Variants in CUBN observed in about 807,000 individuals in gnomAD.
CUBN encodes 460 kDa receptor.
A neutral mutation model predicts 405.3 loss-of-function variants in CUBN; 282 were observed. The ratio of observed to expected loss-of-function variants is 0.70; its 90% confidence interval spans 0.63 to 0.77. CUBN has a LOEUF of 0.77. Among genes scored for constraint, CUBN ranks in the 30% least tolerant of loss-of-function variants. The pLI is 0.00. For missense variants in CUBN, 4,514 were observed against 4,475.2 expected (o/e 1.01, Z -0.25); for synonymous variants, 1,684 against 1,617.0 (o/e 1.04, Z -0.99).
At chr10:16,877,688 T>G (rs928057285) in intron 56 of CUBN, among the ~76,000 whole-genome samples, 1 of 152,236 alleles carries the variant, frequency 6.6e-6, no homozygotes, top group African/African-American at 2.4e-5. Flanking sequence ...ACACAAACAC[T>G]ATTAGTGTTT....
chr10:16,836,737 C>T (rs1374442967), intron 62 of CUBN, among the ~76,000 whole-genome samples: 1 of 152,194 alleles, frequency 6.6e-6, no homozygotes, highest in East Asian at 1.9e-4. Flanking sequence ...GGGGCTTTTG[C>T]CATTGTCCTG....
At chr10:17,031,132 T>C (rs1175983345) in intron 27 of CUBN, among the ~76,000 whole-genome samples, 1 of 152,208 alleles carries the variant, frequency 6.6e-6, no homozygotes, top group Non-Finnish European at 1.5e-5. Context: ...TTTTATCATT[T>C]GTCATTTATC....
rs371313784 is a variant in CUBN, at chr10:17,115,569, G to T, written c.622C>A (p.Pro208Thr). Residue 208 changes from proline to threonine, a missense_variant, in exon 7 of 67, where the codon CCC (proline) becomes ACC (threonine). Coordinates refer to ENST00000377833, the MANE Select transcript of CUBN (RefSeq NM_001081.4). ...SCHCPPETYG[P>T]QCASKYDDCE... ...TCGTCATATTTGGATGCACACTGGG[G>T]TCCGTACGTCTCAGGTGGGCAGTGA... The T allele has an allele frequency of 2.4e-5, 38 of 1,614,090 alleles. No homozygotes were observed. The highest frequency in any genetic ancestry group is 3.1e-5 in the Non-Finnish European group (37 of 1,180,036).
chr10:17,046,088 T>C lies in CUBN; in HGVS notation c.3336A>G (p.Gly1112=), dbSNP rs750518583. 3 of 1,613,078 alleles carry C rather than the reference T, an allele frequency of 1.9e-6. No individual in the cohort carries two copies. The highest frequency in any genetic ancestry group is 2.5e-6 in the Non-Finnish European group (3 of 1,179,280). The change falls in exon 24 of 67, where the codon GGA becomes GGG. Residue 1112 remains glycine (G), a synonymous_variant. Coordinates refer to ENST00000377833, the MANE Select transcript of CUBN (RefSeq NM_001081.4). ...YYTDFLEIRD[G]GYEKSPLLGI... Reference sequence around the variant, plus strand: ...CCAGCAATGGTGATTTTTCATAGCCTCCATCTCTGGCAGAATACAGAAATT... The same window carrying C: ...CCAGCAATGGTGATTTTTCATAGCCCCCATCTCTGGCAGAATACAGAAATT...
chr10:17,000,928 A>T (rs1210007903), intron 28 of CUBN, among the ~76,000 whole-genome samples: 18 of 152,222 alleles, frequency 1.2e-4, no homozygotes, highest in Admixed American at 1.2e-3. Context: ...TGACTTCAAG[A>T]ATGAAGCCAC....
intron 12 of CUBN, 35 bp from the exon 13 acceptor site, chr10:17,103,272 G>A: frequency 7.5e-6 from 10 of 1,336,360 alleles, no homozygotes; most frequent in Non-Finnish European, 9.7e-6. Context: ...CTTTTCAGAG[G>A]TTCCTAAAAG....
intron 55 of CUBN, among the ~76,000 whole-genome samples, chr10:16,889,932 T>C (rs1350217390): frequency 1.0e-4 from 2 of 19,828 alleles, no homozygotes; most frequent in African/African-American, 1.3e-3. Flanking sequence ...TGAGACGCCG[T>C]GTCAAAAAAA....
intron 3 of CUBN, among the ~76,000 whole-genome samples, chr10:17,127,573 T>C (rs1406850009): frequency 6.6e-6 from 1 of 151,476 alleles, no homozygotes; most frequent in African/African-American, 2.4e-5. Flanking sequence ...ATATTAATCA[T>C]CCATTCACTT....
intron 54 of CUBN, among the ~76,000 whole-genome samples, chr10:16,897,945 C>A (rs1428603540): frequency 6.6e-6 from 1 of 152,064 alleles, no homozygotes; most frequent in Non-Finnish European, 1.5e-5. Flanking sequence ...ACAACTGGAG[C>A]ACTTGAAAGT....
At chr10:17,102,516 A>G (rs1322045846) in intron 13 of CUBN, among the ~76,000 whole-genome samples, 2 of 147,384 alleles carry the variant, frequency 1.4e-5, no homozygotes, top group Non-Finnish European at 3.0e-5. Flanking sequence ...TGAATTCCTG[A>G]CCTCAGGCAA....
chr10:17,041,314 T>C (rs1835013974), intron 26 of CUBN, 94 bp from the exon 27 acceptor site: 6 of 983,278 alleles, frequency 6.1e-6, no homozygotes, highest in South Asian at 1.3e-5. Flanking sequence ...ATAAAAATCA[T>C]CTGTGTATGT....
At chr10:17,088,109 G>C (rs1836165193) in intron 15 of CUBN, 55 bp downstream of exon 15, 2 of 1,424,510 alleles carry the variant, frequency 1.4e-6, no homozygotes, top group Admixed American at 3.4e-5. Context: ...CTAGACCATA[G>C]TGCCCTGAGT....
In CUBN at chr10:16,901,420, G is replaced by A. The variant is rs1314988166; in HGVS notation, c.8102C>T (p.Thr2701Ile). 1 of 1,614,116 alleles carries A rather than the reference G, an allele frequency of 6.2e-7. No homozygotes were observed. Among genetic ancestry groups the A allele is most frequent in the Admixed American group, 1.7e-5 (1 of 60,028 alleles). Residue 2701 changes from threonine to isoleucine, a missense_variant, in exon 52 of 67, where the codon ACA (threonine) becomes ATA (isoleucine). Thr to Ile is a moderately conservative substitution (Grantham distance 89). Transcript: ENST00000377833. The stretch of plus-strand genomic sequence containing the variant: ...ATAAGCATTTGGATAGTTGGGGCTT[G>A]TGATCACTCCACTGTCACCTATCTG... ...GIQIGDSGVI[T>I]SPNYPNAYDS... is the part of the protein sequence containing the mutation.
chr10:16,874,621 T>G, intron 57 of CUBN, 118 bp from the exon 58 acceptor site: 1 of 1,253,684 alleles, frequency 8.0e-7, no homozygotes, highest in Non-Finnish European at 1.1e-6. Context: ...ATAATTATTT[T>G]TCTTAAAGTG....
Position 16,901,361 on chromosome 10 carries a change from C to T in CUBN, c.8161G>A (p.Ala2721Thr), listed in dbSNP as rs200221369. The change falls in exon 52 of 67, where the codon GCC (alanine) becomes ACC (threonine). Residue 2721 changes from alanine to threonine, a missense_variant. Physicochemically the swap from Ala to Thr is moderately conservative, Grantham distance 58 (BLOSUM62 0). Around this residue, in one of 5 missense-constraint regions of CUBN, gnomAD observed 1,186 missense variants for 1,186.9 expected, o/e 1.00. Coordinates refer to ENST00000377833, the MANE Select transcript of CUBN (RefSeq NM_001081.4). ...SLTHCSSLLE[A>T]PQGHTITLTF... ...ACAGTGATGGTGTGCCCTTGTGGGG[C>T]CTCCAACAGCGAAGAGCAGTGGGTC... 12 of 1,614,016 alleles carry T rather than the reference C, an allele frequency of 7.4e-6. No individual in the cohort carries two copies. In the East Asian group the frequency reaches 1.1e-4, roughly 15 times the overall value.
Position 17,068,097 on chromosome 10 carries a change from A to G in CUBN, c.2975T>C (p.Val992Ala). ...HYNCTNDYLE[V>A]YDTDSETSLG... ...GGATGTCTCAGAGTCGGTGTCATAAACTTCCAAGTAGTCGTTTGTGCAATT... is the reference window on the plus strand; with the variant it reads ...GGATGTCTCAGAGTCGGTGTCATAAGCTTCCAAGTAGTCGTTTGTGCAATT... The change falls in exon 21 of 67, where the codon GTT becomes GCT. Residue 992 changes from valine to alanine, a missense_variant. Val to Ala is a moderately conservative substitution (Grantham distance 64). Transcript: ENST00000377833. 1 of 1,613,422 alleles carries G rather than the reference A, an allele frequency of 6.2e-7. No individual in the cohort carries two copies. Among genetic ancestry groups the G allele is most frequent in the Non-Finnish European group, 8.5e-7 (1 of 1,179,462 alleles).
At chr10:16,825,200 C>T (rs1336243279) in intron 66 of CUBN, 118 bp from the exon 67 acceptor site, 3 of 692,276 alleles carry the variant, frequency 4.3e-6, no homozygotes, top group Non-Finnish European at 5.1e-6. Context: ...TTATGGTGAA[C>T]CTGCATATAT....
chr10:16,825,107 A>C (rs1838736537), intron 66 of CUBN, 25 bp from the exon 67 acceptor site: 1 of 1,514,144 alleles, frequency 6.6e-7, no homozygotes, highest in Admixed American at 1.7e-5. Context: ...AAAAGTATCC[A>C]ATTATATATT....
chr10:17,018,131 A>C (rs1426963001), intron 28 of CUBN, among the ~76,000 whole-genome samples: 1 of 152,108 alleles, frequency 6.6e-6, no homozygotes, highest in Non-Finnish European at 1.5e-5. Flanking sequence ...TTTCCCAGAA[A>C]GCCTGACACC....
Sources: allele counts gnomAD v4.1 joint callset (sites outside exome capture counted in the v4.1 genomes callset), GRCh38; gene constraint gnomAD v4.1.1; regional missense constraint gnomAD v4.1.1; transcripts MANE v1.5; gene names NCBI Gene and HGNC (gene_info 2026-07-23, HGNC 2026-07-21).